The following MADD variants were observed in gnomAD, a reference collection of about 807,000 sequenced individuals.
MADD encodes the protein MAP kinase-activating death domain protein.
MADD carries 109 observed loss-of-function variants against 176.7 expected under a neutral mutation model. The ratio of observed to expected loss-of-function variants is 0.62; its 90% CI spans 0.53 to 0.72. The LOEUF (loss-of-function observed/expected upper bound fraction) is 0.72, where lower values mean the gene tolerates loss of function less well. MADD is among the 30% of genes least tolerant of loss of function. The pLI, the probability that MADD is intolerant of heterozygous loss-of-function variation, is 0.00. For missense variants in MADD, 1,914 were observed against 2,045.5 expected (o/e 0.94, Z 1.24); for synonymous variants, 771 against 771.3 (o/e 1.00, Z 0.01).
chr11:47,284,207 C>A lies in MADD; in HGVS notation c.1892C>A (p.Ser631Ter). The A allele has an allele frequency of 6.2e-7, 1 of 1,613,966 alleles. No homozygotes were observed. Among genetic ancestry groups the A allele is most frequent in the Non-Finnish European group, 8.5e-7 (1 of 1,179,882 alleles). ...AGTGATAGTATGGATTATGACGATTCAAGCTCTTCTTACTCCTCCCTTGGT... is the reference window on the plus strand; with the variant it reads ...AGTGATAGTATGGATTATGACGATTAAAGCTCTTCTTACTCCTCCCTTGGT... Residue 631 changes from serine (S) to a stop codon, truncating the protein, a stop_gained, in exon 11 of 33, where the codon TCA (serine) becomes TAA (stop). Transcript: ENST00000402192. LOFTEE classifies it high-confidence loss of function.
At chr11:47,291,740 C>T (rs1379190420) in intron 19 of MADD, among the ~76,000 whole-genome samples, 4 of 152,210 alleles carry the variant, frequency 2.6e-5, no homozygotes, top group Non-Finnish European at 4.4e-5. Context: ...ATATCAGCCT[C>T]CAACTAGGAA....
Position 47,282,959 on chromosome 11 carries a change from A to G in MADD, c.1852A>G (p.Thr618Ala), listed in dbSNP as rs376225834. Residue 618 changes from threonine (T) to alanine (A), a missense_variant, in exon 10 of 33, where the codon ACT becomes GCT. This residue lies in a region of MADD where 1,767 missense variants were observed against 1,836.0 expected (regional missense o/e 0.96). Transcript: ENST00000402192. ...AGAGCGGGACTCTGACTCCGAACCT[A>G]CTGATGATAGGTGAGCATCCTTAGG... 9 of 1,613,496 alleles carry G rather than the reference A, an allele frequency of 5.6e-6. No individual in the cohort carries two copies. The African/African-American group carries it at 9.3e-5, about 17-fold the overall frequency.
chr11:47,288,895 T>C lies in MADD; in HGVS notation c.2654-496T>C. ...TGGGAGAATGCTCAGATTATCTGGC[T>C]TACTGCTCCTCGGAGGGGTAGAGGG... On this transcript the variant is annotated intron_variant, in intron 15 of 32. Transcript: ENST00000402192. The C allele has an allele frequency of 3.7e-6, 4 of 1,077,032 alleles. No individual in the cohort carries two copies. The South Asian group carries it at 5.7e-5, about 15-fold the overall frequency. 66.7% of individuals were successfully genotyped at this position (1,077,032 alleles called of 1,614,324 possible).
At chr11:47,308,672 C>G in exon 23 of MADD, 1 of 1,613,922 alleles carries the variant, frequency 6.2e-7, no homozygotes, top group Non-Finnish European at 8.5e-7. Flanking sequence ...TGTGAGCCAG[C>G]GAGTCTATCT....
Position 47,293,993 on chromosome 11 carries a change from A to G in MADD, c.3402+10A>G. On this transcript the variant is annotated intron_variant, in intron 20 of 32. Coordinates refer to ENST00000402192, the Ensembl canonical transcript of MADD. The stretch of plus-strand genomic sequence containing the variant: ...GACGTCTAGTTCCCAGGTTTGTGAC[A>G]ACCTTGTTGAAATTTGCAAGTATTA... 1 of 1,605,540 alleles carries G rather than the reference A, an allele frequency of 6.2e-7. No individual in the cohort carries two copies. The highest frequency in any genetic ancestry group is 1.7e-5 in the Admixed American group (1 of 59,964).
chr11:47,308,566 C>G, intron 22 of MADD, 25 bp from the exon 25 acceptor site: 1 of 1,588,216 alleles, frequency 6.3e-7, no homozygotes, highest in Non-Finnish European at 8.6e-7. Flanking sequence ...CCTCTGGCCA[C>G]TGACCTATCA....
At position 47,324,348 on chromosome 11, in the gene MADD, T is replaced by C. The variant is rs896892608; in HGVS notation, c.4435+11T>C. On this transcript the variant is annotated intron_variant, in intron 29 of 32. Transcript: ENST00000402192. ...AAAGCATCAAACCCGGTGAGGAGAG[T>C]TTTTCCTGAGAGTGTCTTCCCTGTT... 2 of 1,612,594 alleles carry C rather than the reference T, an allele frequency of 1.2e-6. No individual in the cohort carries two copies. Among genetic ancestry groups the C allele is most frequent in the Non-Finnish European group, 1.7e-6 (2 of 1,179,568 alleles).
At chr11:47,320,470 A>T (rs1486569158) in intron 27 of MADD, among the ~76,000 whole-genome samples, 2 of 150,732 alleles carry the variant, frequency 1.3e-5, no homozygotes, top group African/African-American at 4.9e-5. Flanking sequence ...AAAAATTTAA[A>T]AAAATGAAAT....
chr11:47,293,548 C>A (rs1013569174), intron 19 of MADD, among the ~76,000 whole-genome samples: 2 of 152,152 alleles, frequency 1.3e-5, no homozygotes, highest in Non-Finnish European at 2.9e-5. Flanking sequence ...GGTGATCTAC[C>A]TGCCTCAGCC....
exon 33 of MADD, chr11:47,329,380 G>T: frequency 1.8e-6 from 1 of 564,866 alleles, no homozygotes; most frequent in South Asian, 2.0e-5. Context: ...TCCCCTCAGG[G>T]CTCAAGAATG....
intron 3 of MADD, 120 bp from the exon 4 acceptor site, chr11:47,275,779 C>T (rs1766199983): frequency 4.1e-6 from 4 of 985,200 alleles, no homozygotes; most frequent in Admixed American, 4.7e-5. Flanking sequence ...AGAGACTGGG[C>T]TTTCTTAATG....
At chr11:47,281,590 A>C in exon 8 of MADD, 2 of 1,609,710 alleles carry the variant, frequency 1.2e-6, no homozygotes, top group Non-Finnish European at 1.7e-6. Context: ...GGCCAGCATG[A>C]GTCTCAACAC....
intron 30 of MADD, 56 bp downstream of exon 33, chr11:47,324,633 A>T (rs755087543): frequency 2.5e-6 from 3 of 1,208,764 alleles, no homozygotes; most frequent in South Asian, 2.5e-5. Context: ...AGAAGGACCA[A>T]TGTCCAAGCC....
At chr11:47,309,318 C>A in exon 24 of MADD, 3 of 1,614,184 alleles carry the variant, frequency 1.9e-6, no homozygotes, top group Non-Finnish European at 2.5e-6. Context: ...AAATGCAATT[C>A]TGGGAAGATG....
chr11:47,271,738 T>C (rs1343553857), intron 1 of MADD, among the ~76,000 whole-genome samples: 3 of 152,198 alleles, frequency 2.0e-5, no homozygotes, highest in Admixed American at 6.5e-5. Context: ...CTTTTTTTTT[T>C]TTCGAATCCC....
intron 25 of MADD, among the ~76,000 whole-genome samples, chr11:47,310,126 G>T (rs1316025113): frequency 6.6e-6 from 1 of 151,736 alleles, no homozygotes; most frequent in Non-Finnish European, 1.5e-5. Flanking sequence ...ACAGGCGTGA[G>T]CCAGTGCGCC....
At chr11:47,296,682 C>G (rs1429758096) in intron 22 of MADD, among the ~76,000 whole-genome samples, 1 of 151,990 alleles carries the variant, frequency 6.6e-6, no homozygotes, top group Admixed American at 6.6e-5. Flanking sequence ...AAAGAACTTC[C>G]CTAGATCACA....
intron 1 of MADD, among the ~76,000 whole-genome samples, chr11:47,273,065 G>T (rs1447825069): frequency 6.6e-6 from 1 of 152,210 alleles, no homozygotes; most frequent in Non-Finnish European, 1.5e-5. Context: ...GACAGTCTAT[G>T]TGGTAGTTTT....
intron 26 of MADD, among the ~76,000 whole-genome samples, chr11:47,312,757 T>C (rs2141082752): frequency 6.6e-6 from 1 of 152,332 alleles, no homozygotes; most frequent in South Asian, 2.1e-4. Flanking sequence ...TTTTTAAAAA[T>C]GCCAGTTGTG....
Sources: gnomAD v4.1 joint callset for allele counts (sites outside exome capture counted in the v4.1 genomes callset) on GRCh38, gnomAD v4.1.1 for gene constraint, gnomAD v4.1.1 regional missense constraint, MANE v1.5 for transcripts, NCBI Gene and HGNC (gene_info 2026-07-23, HGNC 2026-07-21) for gene names.